JAKMIP3: variants seen among roughly 807,000 people sequenced by gnomAD.
The protein encoded by JAKMIP3 is Janus kinase and microtubule interacting protein 3.
A neutral mutation model predicts 118.5 loss-of-function variants in JAKMIP3; 58 were observed. The observed-to-expected ratio is 0.49, with a 90% CI of 0.40 to 0.61. The LOEUF is 0.61. Ranked by LOEUF, JAKMIP3 falls within the 20% of genes least tolerant of loss-of-function variation. The probability of loss-of-function intolerance (pLI) is 0.00; values close to 1 mark genes in which losing one functional copy is unlikely to be tolerated. For synonymous variants in JAKMIP3, 486 were observed against 451.2 expected (o/e 1.08, Z -0.98); for missense variants, 950 against 1,109.0 (o/e 0.86, Z 2.04).
chr10:132,047,576 C>G (rs2037953975), intron 1 of JAKMIP3, among the ~76,000 whole-genome samples: 1 of 152,246 alleles, frequency 6.6e-6, no homozygotes, highest in South Asian at 2.1e-4. Context: ...AAGCCACACA[C>G]CTGTCCTAAT....
intron 1 of JAKMIP3, among the ~76,000 whole-genome samples, chr10:132,099,802 G>T (rs1028466648): frequency 6.6e-6 from 1 of 152,190 alleles, no homozygotes; most frequent in East Asian, 1.9e-4. Flanking sequence ...GCTCAGGTGC[G>T]TGTCACGGAC....
chr10:132,076,307 G>A (rs2040776747), intron 1 of JAKMIP3, among the ~76,000 whole-genome samples: 1 of 152,230 alleles, frequency 6.6e-6, no homozygotes, highest in Admixed American at 6.5e-5. Flanking sequence ...GGGGTTTTCC[G>A]AGTTCATCTG....
intron 3 of JAKMIP3, among the ~76,000 whole-genome samples, chr10:132,120,758 C>T (rs996967833): frequency 6.6e-6 from 1 of 152,244 alleles, no homozygotes; most frequent in East Asian, 1.9e-4. Context: ...GACAAGGGTC[C>T]CAGGACCTCA....
intron 19 of JAKMIP3, among the ~76,000 whole-genome samples, chr10:132,159,051 C>T (rs1431584899): frequency 8.5e-6 from 1 of 118,112 alleles, no homozygotes; most frequent in African/African-American, 3.3e-5. Flanking sequence ...TGTGTGATGT[C>T]AGAGGGCCCT....
At chr10:132,047,506 G>A (rs1017611307) in intron 1 of JAKMIP3, among the ~76,000 whole-genome samples, 2 of 152,122 alleles carry the variant, frequency 1.3e-5, no homozygotes, top group African/African-American at 4.8e-5. Flanking sequence ...CTAGCATCTC[G>A]TACAGCCACA....
intron 1 of JAKMIP3, among the ~76,000 whole-genome samples, chr10:132,070,490 G>A (rs1691199794): frequency 6.6e-6 from 1 of 152,142 alleles, no homozygotes; most frequent in Non-Finnish European, 1.5e-5. Context: ...ACCCTCTGCT[G>A]CTTTTTGATG....
intron 1 of JAKMIP3, among the ~76,000 whole-genome samples, chr10:132,057,315 G>A (rs928899460): frequency 1.3e-5 from 2 of 152,190 alleles, no homozygotes; most frequent in African/African-American, 2.4e-5. Flanking sequence ...AGACCCACTG[G>A]CTGGACGTGC....
rs1014262077 is a variant in JAKMIP3 at position 132,134,453 on chromosome 10, G to A, written c.850-588G>A. 2.6e-5 allele frequency among the ~76,000 whole-genome samples: 4 copies of A among 152,326 alleles called. No individual in the cohort carries two copies. In the South Asian group the frequency reaches 6.2e-4, roughly 24 times the overall value. ...ATTCACTCCAGAGAGATCTGAAACC[G>A]GATTCAAATGTTTTCACCAATTTTT... On this transcript the variant is annotated intron_variant, in intron 4 of 23. Transcript: ENST00000684848.
At chr10:132,165,523 G>A (rs576605117) in intron 21 of JAKMIP3, among the ~76,000 whole-genome samples, 2 of 152,284 alleles carry the variant, frequency 1.3e-5, no homozygotes, top group Admixed American at 6.5e-5. Context: ...GGCTCCCTCC[G>A]AGGGCTGAAT....
At chr10:132,074,446 T>C (rs749627934) in intron 1 of JAKMIP3, among the ~76,000 whole-genome samples, 1 of 152,234 alleles carries the variant, frequency 6.6e-6, no homozygotes, top group Non-Finnish European at 1.5e-5. Flanking sequence ...ATTACTGACA[T>C]TGAACATTTT....
chr10:132,155,159 A>C (rs1374695778), intron 19 of JAKMIP3, among the ~76,000 whole-genome samples: 1 of 142,538 alleles, frequency 7.0e-6, no homozygotes, highest in African/African-American at 2.6e-5. Flanking sequence ...GATGATCATG[A>C]CAGTGGTGGT....
intron 1 of JAKMIP3, among the ~76,000 whole-genome samples, chr10:132,042,735 T>G (rs2037799707): frequency 6.6e-6 from 1 of 152,092 alleles, no homozygotes; most frequent in African/African-American, 2.4e-5. Flanking sequence ...CTCTCTGCCA[T>G]TGTAACTCAC....
chr10:132,060,161 G>T (rs9419172), upstream of JAKMIP3, among the ~76,000 whole-genome samples: 1 of 151,986 alleles, frequency 6.6e-6, no homozygotes. Context: ...GGGCAGAAAC[G>T]TGTCTGTTTC....
chr10:132,146,246 C>T lies in JAKMIP3; in HGVS notation c.1749+666C>T, dbSNP rs561905465. On this transcript the variant is annotated intron_variant, in intron 13 of 23. Transcript: ENST00000684848. ...GCCAGGCTGCTCTCAGTGGCCTTAG[C>T]TTCTGCCTGAGGTGCAGGGAAGGGA... Among the ~76,000 whole-genome samples the T allele has an allele frequency of 7.6e-3, 1,154 of 151,742 alleles. 9 individuals carry two copies. Among genetic ancestry groups the T allele is most frequent in the Middle Eastern group, 0.01 (3 of 294 alleles).
intron 1 of JAKMIP3, among the ~76,000 whole-genome samples, chr10:132,102,730 C>T (rs2045176716): frequency 6.6e-6 from 1 of 152,238 alleles, no homozygotes; most frequent in Non-Finnish European, 1.5e-5. Flanking sequence ...GGCCCTCCCA[C>T]CTGCCCGTCC....
rs1457440797 is a variant in JAKMIP3 at position 132,117,756 on chromosome 10, A to G, written c.633+182A>G. 6.6e-6 allele frequency among the ~76,000 whole-genome samples: 1 copy of G among 151,858 alleles called. No individual in the cohort carries two copies. Among genetic ancestry groups the G allele is most frequent in the Non-Finnish European group, 1.5e-5 (1 of 67,968 alleles). On this transcript the variant is annotated intron_variant, in intron 3 of 23. Transcript: ENST00000684848. The surrounding 1 kb of genome is among the most constrained non-coding windows in gnomAD (Gnocchi z 8.6). ...CATGCCACCCCTGTTGGTTTTGAGG[A>G]CCCTAGAGTCACGAGACCACTAGAA...
Position 132,042,011 on chromosome 10 carries a change from C to T in JAKMIP3, c.-138+5273C>T, listed in dbSNP as rs1315836448. On this transcript the variant is annotated intron_variant, in intron 1 of 23. Transcript: ENST00000657785. Reference sequence around the variant, plus strand: ...CCTCCCGAATAGCTGGGATTACAGGCATGTGCCACCACACCTGGCTAATTT... The same window carrying T: ...CCTCCCGAATAGCTGGGATTACAGGTATGTGCCACCACACCTGGCTAATTT... Among the ~76,000 whole-genome samples the T allele has an allele frequency of 4.6e-5, 7 of 152,012 alleles. No homozygotes were observed. In the South Asian group the frequency reaches 6.2e-4, roughly 14 times the overall value.
chr10:132,167,639 T>G (rs1478316763), intron 22 of JAKMIP3, among the ~76,000 whole-genome samples: 1 of 152,112 alleles, frequency 6.6e-6, no homozygotes, highest in African/African-American at 2.4e-5. Flanking sequence ...GTCACATCAT[T>G]GTTCGCCTCG....
chr10:132,097,620 C>T (rs1323820155), intron 1 of JAKMIP3, among the ~76,000 whole-genome samples: 1 of 152,014 alleles, frequency 6.6e-6, no homozygotes, highest in Non-Finnish European at 1.5e-5. Context: ...CAACCTTTGT[C>T]CCCTGGCTGT....
Sources: allele counts gnomAD v4.1 joint callset (sites outside exome capture counted in the v4.1 genomes callset), GRCh38; gene constraint gnomAD v4.1.1; non-coding constraint Gnocchi (gnomAD v3.1); transcripts MANE v1.5; gene names NCBI Gene and HGNC (gene_info 2026-07-23, HGNC 2026-07-21).